The following GATAD1 variants were observed in gnomAD, a reference collection of about 807,000 sequenced individuals.
GATAD1 encodes GATA zinc finger domain-containing protein 1.
Under a neutral mutation model 26.5 loss-of-function variants are expected in GATAD1, and 12 were observed. That is an observed-to-expected ratio of 0.45 (90% CI 0.29 to 0.73). The LOEUF is 0.73. Ranked by LOEUF, GATAD1 falls within the 30% of genes least tolerant of loss-of-function variation. The probability of loss-of-function intolerance (pLI) is 0.10; values close to 1 mark genes in which losing one functional copy is unlikely to be tolerated. For synonymous variants in GATAD1, 129 were observed against 133.1 expected, an observed-to-expected ratio of 0.97 and a Z score of 0.21; for missense variants, 266 against 342.1, an observed-to-expected ratio of 0.78 and a Z score of 1.75.
the GATAD1 span, among the ~76,000 whole-genome samples, chr7:92,483,400 C>T: frequency 1.5e-3 from 231 of 152,324 alleles, 1 homozygote; most frequent in African/African-American, 5.1e-3. Flanking sequence ...ACTTGGCTGC[C>T]TCTACTCTAT....
the GATAD1 span, chr7:92,491,419 A>G: frequency 6.2e-7 from 1 of 1,613,768 alleles, no homozygotes; most frequent in Non-Finnish European, 8.5e-7. Flanking sequence ...CTCCATCTCC[A>G]GCTGAATCGT....
intron 3 of GATAD1, among the ~76,000 whole-genome samples, chr7:92,452,588 G>C (rs918771900): frequency 6.6e-6 from 1 of 152,212 alleles, no homozygotes; most frequent in Non-Finnish European, 1.5e-5. Context: ...AACTAGTGCT[G>C]TTCTCGTGTG....
chr7:92,456,634 T>C lies in GATAD1; in HGVS notation c.*72T>C, dbSNP rs1789684182. The stretch of plus-strand genomic sequence containing the variant: ...CCTGTAGCCCCAGCTATTGCACCAC[T>C]GCTCTCCAAGCTGGGCAATGGAGTC... On this transcript the variant is annotated 3_prime_UTR_variant, in exon 5 of 5. Transcript: ENST00000287957. The C allele has an allele frequency of 2.2e-6, 2 of 893,626 alleles. No individual in the cohort carries two copies. Among genetic ancestry groups the C allele is most frequent in the Non-Finnish European group, 3.5e-6 (2 of 573,812 alleles). 55.4% of individuals were successfully genotyped at this position (893,626 alleles called of 1,614,324 possible). A position where few individuals can be genotyped will look rare whatever the true frequency, so the allele number is the denominator to read the frequency against.
the GATAD1 span, chr7:92,491,460 T>A: frequency 1.2e-6 from 2 of 1,613,592 alleles, no homozygotes; most frequent in Non-Finnish European, 1.7e-6. Flanking sequence ...AGAAAGACCA[T>A]TGAAGACAGA....
chr7:92,495,304 C>T, the GATAD1 span, among the ~76,000 whole-genome samples: 1 of 152,118 alleles, frequency 6.6e-6, no homozygotes, highest in South Asian at 2.1e-4. Flanking sequence ...TAATATAAAA[C>T]ACCTGTCACG....
chr7:92,490,817 AACACTT>A, the GATAD1 span, among the ~76,000 whole-genome samples: 1 of 152,150 alleles, frequency 6.6e-6, no homozygotes, highest in African/African-American at 2.4e-5. Context: ...ATTTAATCAA[AACACTT>A]TCCTGTTGAA....
rs1789689740 is a variant in GATAD1 at position 92,456,724 on chromosome 7, A to G, written c.*162A>G. 1.9e-6 allele frequency: 1 copy of G among 523,088 alleles called. No homozygotes were observed. Among genetic ancestry groups the G allele is most frequent in the Non-Finnish European group, 3.4e-6 (1 of 298,022 alleles). The allele number at this position is 523,088 out of a possible 1,614,324, so 32.4% of individuals were successfully genotyped here. On this transcript the variant is annotated 3_prime_UTR_variant, in exon 5 of 5. Coordinates refer to ENST00000287957, the MANE Select transcript of GATAD1 (RefSeq NM_021167.5). ...CCAGTTCTCTAATATTCTTAGTACC[A>G]CAAGATATGTCATAGGTATCTTTAA...
chr7:92,491,290 A>G, the GATAD1 span: 1 of 1,608,798 alleles, frequency 6.2e-7, no homozygotes, highest in Non-Finnish European at 8.5e-7. Context: ...AAGAGGTTCC[A>G]TTTCCAAGTT....
At chr7:92,490,545 G>T in the GATAD1 span, among the ~76,000 whole-genome samples, 1 of 139,876 alleles carries the variant, frequency 7.1e-6, no homozygotes, top group Admixed American at 7.9e-5. Context: ...TGAGGTGGAA[G>T]AATCACCTAA....
downstream of GATAD1, among the ~76,000 whole-genome samples, chr7:92,461,137 G>T (rs1323938692): frequency 6.6e-6 from 1 of 152,196 alleles, no homozygotes; most frequent in African/African-American, 2.4e-5. Context: ...ACTTGGGAGT[G>T]ACTTCCTTCA....
At chr7:92,454,724 G>A (rs2115877118) in intron 4 of GATAD1, 39 bp downstream of exon 4, 1 of 1,364,078 alleles carries the variant, frequency 7.3e-7, no homozygotes, top group Non-Finnish European at 1.0e-6. Flanking sequence ...TTTTAACTTA[G>A]TTAACTCTCC....
At chr7:92,487,326 A>G in the GATAD1 span, 5 of 595,648 alleles carry the variant, frequency 8.4e-6, no homozygotes, top group South Asian at 4.2e-5. Context: ...GCATTTACCA[A>G]TCTGTGATTT....
At chr7:92,467,016 A>G in the GATAD1 span, among the ~76,000 whole-genome samples, 2 of 151,740 alleles carry the variant, frequency 1.3e-5, no homozygotes, top group African/African-American at 2.4e-5. Flanking sequence ...TTAAATATAT[A>G]TATCTGTATA....
At chr7:92,454,992 T>C (rs538989309) in intron 4 of GATAD1, among the ~76,000 whole-genome samples, 1 of 152,096 alleles carries the variant, frequency 6.6e-6, no homozygotes, top group Non-Finnish European at 1.5e-5. Context: ...ACCATTTCTG[T>C]CAGATGAGGG....
chr7:92,460,809 T>A (rs145492263), downstream of GATAD1, among the ~76,000 whole-genome samples: 1 of 150,162 alleles, frequency 6.7e-6, no homozygotes, highest in African/African-American at 2.4e-5. Context: ...AGACGGAAAT[T>A]CCTCCAGAAT....
downstream of GATAD1, among the ~76,000 whole-genome samples, chr7:92,460,776 C>CAAAAA (rs557542327): frequency 1.6e-5 from 1 of 63,334 alleles, no homozygotes; most frequent in Non-Finnish European, 3.4e-5. Context: ...GACCTTCTCT[C>CAAAAA]AAAAAAAAAA....
At chr7:92,474,245 C>T in the GATAD1 span, among the ~76,000 whole-genome samples, 3 of 152,222 alleles carry the variant, frequency 2.0e-5, no homozygotes, top group South Asian at 6.2e-4. Flanking sequence ...AAGTTTTGCT[C>T]CGGGCCTACG....
At chr7:92,485,609 G>T in the GATAD1 span, among the ~76,000 whole-genome samples, 5 of 152,230 alleles carry the variant, frequency 3.3e-5, no homozygotes, top group Admixed American at 6.5e-5. Context: ...GGGATTATCA[G>T]ACACTGTGTA....
chr7:92,470,551 A>C, the GATAD1 span: 1 of 541,018 alleles, frequency 1.8e-6, no homozygotes, highest in South Asian at 3.1e-5. Flanking sequence ...CACTCCAGCC[A>C]CTTTAACCGC....
Sources: gnomAD v4.1 joint callset for allele counts (sites outside exome capture counted in the v4.1 genomes callset) on GRCh38, gnomAD v4.1.1 for gene constraint, MANE v1.5 for transcripts, NCBI Gene and HGNC (gene_info 2026-07-23, HGNC 2026-07-21) for gene names.